MACF1: variants seen among roughly 807,000 people sequenced by gnomAD.
The protein encoded by MACF1 is microtubule actin crosslinking factor 1.
MACF1 carries 193 observed loss-of-function variants against 854.8 expected under a neutral mutation model. The ratio of observed to expected loss-of-function variants is 0.23; its 90% CI spans 0.20 to 0.25. The LOEUF is 0.25. Ranked by LOEUF, MACF1 falls within the 10% of genes least tolerant of loss-of-function variation. MACF1 has a pLI of 1.00. For missense variants in MACF1, 7,722 were observed against 8,929.1 expected (o/e 0.86, Z 5.45); for synonymous variants, 3,185 against 3,226.7 (o/e 0.99, Z 0.44).
At chr1:39,247,512 C>T (rs1258843189) in intron 2 of MACF1, among the ~76,000 whole-genome samples, 2 of 152,070 alleles carry the variant, frequency 1.3e-5, no homozygotes, top group African/African-American at 4.8e-5. Context: ...GAGGTTATGT[C>T]TGTTGTGTCT....
intron 41 of MACF1, among the ~76,000 whole-genome samples, chr1:39,348,584 C>T (rs775685228): frequency 3.9e-5 from 6 of 152,178 alleles, no homozygotes; most frequent in Non-Finnish European, 8.8e-5. Context: ...TAGGAGTTCT[C>T]TTCCAGAGCC....
rs915954301 is a variant in MACF1, at chr1:39,147,135, C to G, written c.220+62697C>G. On this transcript the variant is annotated intron_variant, in intron 2 of 93. Coordinates refer to the MACF1 transcript ENST00000361689. ...TCCTTCTTTTCTTCTTTTCCCTTTC[C>G]TTTCCCCTTTCCCTTTTTCCCATTC... Among the ~76,000 whole-genome samples, 6 of 149,122 alleles carry G rather than the reference C, an allele frequency of 4.0e-5. No individual in the cohort carries two copies. The South Asian group carries it at 1.3e-3, about 32-fold the overall frequency.
intron 1 of MACF1, among the ~76,000 whole-genome samples, chr1:39,211,604 C>T (rs748255427): frequency 1.6e-4 from 25 of 151,984 alleles, no homozygotes; most frequent in Admixed American, 4.6e-4. Flanking sequence ...TGTGACATGC[C>T]GGGCATGGTG....
At chr1:39,110,230 C>CT (rs5773651) in intron 2 of MACF1, among the ~76,000 whole-genome samples, 60,053 of 84,110 alleles carry the variant, frequency 0.71, 22,042 homozygotes, top group East Asian at 0.93. Flanking sequence ...GGATGTTGTT[C>CT]TTTTTTTTTT....
In MACF1 at chr1:39,387,920, T is replaced by A. The variant is rs907463130; in HGVS notation, c.15078T>A (p.Val5026=). Residue 5026 remains valine, a synonymous_variant, in exon 58 of 101, where the codon GTT becomes GTA. Transcript: ENST00000564288. ...GCTTTAAGAATATTGAAAAGAAGGT[T>A]GAAGGAGCCAAACACCAACTTGAGA... ...QESFKNIEKK[V]EGAKHQLEIF... 7.4e-6 allele frequency: 12 copies of A among 1,613,710 alleles called. No homozygotes were observed. Among genetic ancestry groups the A allele is most frequent in the Non-Finnish European group, 1.0e-5 (12 of 1,180,006 alleles).
At chr1:39,234,070 G>T (rs1349884725) in intron 2 of MACF1, among the ~76,000 whole-genome samples, 3 of 146,428 alleles carry the variant, frequency 2.0e-5, no homozygotes, top group Admixed American at 1.4e-4. Context: ...ACCCTGAGTG[G>T]ACACAGCACA....
At chr1:39,099,313 G>A (rs754993989) in intron 2 of MACF1, among the ~76,000 whole-genome samples, 9 of 152,048 alleles carry the variant, frequency 5.9e-5, no homozygotes, top group Non-Finnish European at 8.8e-5. Flanking sequence ...CCACCATCAC[G>A]CCCGGCTAAT....
intron 99 of MACF1, among the ~76,000 whole-genome samples, chr1:39,481,404 G>A (rs983807929): frequency 2.0e-5 from 3 of 152,152 alleles, no homozygotes; most frequent in Admixed American, 6.5e-5. Context: ...CAACTATGGC[G>A]CATGTTCTAC....
At chr1:39,463,344 G>T (rs1196109125) in intron 93 of MACF1, among the ~76,000 whole-genome samples, 1 of 152,114 alleles carries the variant, frequency 6.6e-6, no homozygotes, top group Admixed American at 6.5e-5. Flanking sequence ...CAAAAAATTA[G>T]CTGGGCCTGG....
intron 26 of MACF1, among the ~76,000 whole-genome samples, chr1:39,312,201 G>C (rs1048986674): frequency 6.6e-6 from 1 of 152,112 alleles, no homozygotes; most frequent in East Asian, 1.9e-4. Flanking sequence ...TCCAGCCTGA[G>C]TGAAAGAGAC....
At chr1:39,235,134 C>T (rs954886029) in intron 2 of MACF1, among the ~76,000 whole-genome samples, 1 of 152,152 alleles carries the variant, frequency 6.6e-6, no homozygotes, top group Non-Finnish European at 1.5e-5. Context: ...AATCTCGGCA[C>T]TTTGGGAGGC....
intron 36 of MACF1, among the ~76,000 whole-genome samples, chr1:39,328,895 G>C (rs997704169): frequency 3.9e-5 from 6 of 152,056 alleles, no homozygotes; most frequent in African/African-American, 1.5e-4. Flanking sequence ...TTTCTCTTTG[G>C]CTACACTGCA....
chr1:39,388,544 C>T lies in MACF1; in HGVS notation c.15702C>T (p.Tyr5234=). 1 of 1,614,124 alleles carries T rather than the reference C, an allele frequency of 6.2e-7. No individual in the cohort carries two copies. The highest frequency in any genetic ancestry group is 8.5e-7 in the Non-Finnish European group (1 of 1,180,022). ...CACTAGGCCGTGTAGAGGACTTCTA[C>T]AGGAAATTGAAAGGACTCAATGACG... ...ELTLGRVEDF[Y]RKLKGLNDAT... Residue 5234 remains tyrosine, a synonymous_variant, in exon 58 of 101, where the codon TAC becomes TAT. Coordinates refer to ENST00000564288, the MANE Select transcript of MACF1 (RefSeq NM_001394062.1).
chr1:39,112,454 G>A (rs952029976), intron 2 of MACF1, among the ~76,000 whole-genome samples: 10 of 152,062 alleles, frequency 6.6e-5, no homozygotes, highest in African/African-American at 1.2e-4. Context: ...AGGCCAAGGC[G>A]GGCAGATCAC....
At chr1:39,143,161 A>T (rs1328915535) in intron 2 of MACF1, among the ~76,000 whole-genome samples, 1 of 152,140 alleles carries the variant, frequency 6.6e-6, no homozygotes, top group East Asian at 1.9e-4. Context: ...TAGTCAACTA[A>T]CCCTTGAATT....
intron 57 of MACF1, among the ~76,000 whole-genome samples, chr1:39,386,468 G>A (rs1382857473): frequency 6.8e-6 from 1 of 147,124 alleles, no homozygotes; most frequent in Non-Finnish European, 1.5e-5. Flanking sequence ...GTCTCACTCT[G>A]TTGCCCCAGC....
At chr1:39,231,049 A>G (rs771702636) in intron 1 of MACF1, 133 bp from the exon 2 acceptor site, 8 of 725,122 alleles carry the variant, frequency 1.1e-5, no homozygotes, top group African/African-American at 1.8e-5. Flanking sequence ...AAACCTTCCT[A>G]AGAAGAAGTC....
chr1:39,194,355 T>TCTTTC (rs1245435573), intron 2 of MACF1, among the ~76,000 whole-genome samples: 2 of 122,184 alleles, frequency 1.6e-5, no homozygotes, highest in Admixed American at 1.7e-4. Context: ...TCTTTTCTTT[T>TCTTTC]TTTTTTTTTT....
At chr1:39,096,992 T>C (rs11578150) in intron 2 of MACF1, among the ~76,000 whole-genome samples, 11,753 of 151,296 alleles carry the variant, frequency 0.078, 536 homozygotes, top group Non-Finnish European at 0.094. Context: ...TTCTCCTGCC[T>C]TGGCCTCCTG....
Sources: gnomAD v4.1 joint callset for allele counts (sites outside exome capture counted in the v4.1 genomes callset) on GRCh38, gnomAD v4.1.1 for gene constraint, MANE v1.5 for transcripts, NCBI Gene and HGNC (gene_info 2026-07-23, HGNC 2026-07-21) for gene names.